The following CSMD1 variants were observed in gnomAD, a reference collection of about 807,000 sequenced individuals.
CSMD1 encodes the protein CUB and sushi domain-containing protein 1.
In CSMD1, 213 loss-of-function variants were observed where a neutral mutation model predicts 417.5. That is an observed-to-expected ratio of 0.51 (90% CI 0.46 to 0.57). CSMD1 has a LOEUF of 0.57. Among genes scored for constraint, CSMD1 ranks in the 20% least tolerant of loss-of-function variants. The pLI is 0.00. For synonymous variants in CSMD1, 2,862 were observed against 1,736.8 expected (o/e 1.65, Z -16.11); for missense variants, 6,923 against 4,529.7 (o/e 1.53, Z -15.17).
intron 1 of CSMD1, among the ~76,000 whole-genome samples, chr8:4,825,153 G>A (rs1457192): frequency 0.22 from 33,163 of 151,992 alleles, 3,935 homozygotes; most frequent in Non-Finnish European, 0.27. Context: ...TCTACCTGAA[G>A]AAGTGGGATA....
chr8:3,310,509 C>A (rs1336374522), intron 23 of CSMD1, among the ~76,000 whole-genome samples: 1 of 152,170 alleles, frequency 6.6e-6, no homozygotes, highest in Non-Finnish European at 1.5e-5. Flanking sequence ...AACAAACAAT[C>A]TTCCAAAATC....
chr8:3,799,615 C>A (rs1027969637), intron 5 of CSMD1, among the ~76,000 whole-genome samples: 26 of 151,932 alleles, frequency 1.7e-4, no homozygotes, highest in Non-Finnish European at 1.5e-4. Context: ...TAAAGAAAGA[C>A]CCCATTTGGC....
At chr8:3,483,575 T>G (rs535083132) in intron 11 of CSMD1, among the ~76,000 whole-genome samples, 15 of 152,182 alleles carry the variant, frequency 9.9e-5, no homozygotes, top group African/African-American at 3.6e-4. Flanking sequence ...CAAGATTTCA[T>G]AAACTCTTGC....
intron 26 of CSMD1, among the ~76,000 whole-genome samples, chr8:3,245,119 CTGCATTAA>C (rs1204536417): frequency 6.6e-6 from 1 of 152,206 alleles, no homozygotes; most frequent in Non-Finnish European, 1.5e-5. Flanking sequence ...TCGTTAATTT[CTGCATTAA>C]TGCATTAATT....
chr8:4,561,533 T>C (rs1209272311), intron 2 of CSMD1, among the ~76,000 whole-genome samples: 1 of 151,894 alleles, frequency 6.6e-6, no homozygotes, highest in Non-Finnish European at 1.5e-5. Flanking sequence ...AACAGAAAAA[T>C]TAGCCAGCCA....
rs558902225 is a variant in CSMD1 at position 3,707,925 on chromosome 8, C to T, written c.1009+489G>A. ...CCAGGTCCTGGGCACGTGCAAAAGT[C>T]ATCAGCCAGACATGTCTGCAGATCT... On this transcript the variant is annotated intron_variant, in intron 7 of 69. Coordinates refer to ENST00000635120, the MANE Select transcript of CSMD1 (RefSeq NM_033225.6). Among the ~76,000 whole-genome samples the T allele has an allele frequency of 2.0e-5, 3 of 152,254 alleles. No homozygotes were observed. The South Asian group carries it at 6.2e-4, about 32-fold the overall frequency.
At chr8:3,489,218 G>C (rs965477313) in intron 11 of CSMD1, among the ~76,000 whole-genome samples, 12 of 152,168 alleles carry the variant, frequency 7.9e-5, no homozygotes, top group African/African-American at 2.4e-4. Flanking sequence ...GGAGCAAGAA[G>C]TAGATTCAGC....
intron 3 of CSMD1, among the ~76,000 whole-genome samples, chr8:4,119,958 A>AT (rs67988265): frequency 9.4e-6 from 1 of 106,766 alleles, no homozygotes; most frequent in Admixed American, 9.4e-5. Flanking sequence ...TATCAAAAAA[A>AT]TTAGTTTAAA....
At chr8:4,307,991 G>C (rs778323334) in intron 3 of CSMD1, among the ~76,000 whole-genome samples, 11 of 152,132 alleles carry the variant, frequency 7.2e-5, no homozygotes, top group Non-Finnish European at 1.6e-4. Context: ...GGCTCAAGGA[G>C]GCTGGGATGT....
At chr8:4,272,275 A>T (rs1804652006) in intron 3 of CSMD1, among the ~76,000 whole-genome samples, 1 of 152,192 alleles carries the variant, frequency 6.6e-6, no homozygotes, top group Non-Finnish European at 1.5e-5. Context: ...CTTTAAGAAA[A>T]CTTATAAATA....
At chr8:4,320,553 C>T (rs1044724886) in intron 3 of CSMD1, among the ~76,000 whole-genome samples, 1 of 152,098 alleles carries the variant, frequency 6.6e-6, no homozygotes, top group Non-Finnish European at 1.5e-5. Context: ...GTTCCCCTCC[C>T]TGTGTCCATG....
At chr8:3,731,844 C>G (rs1232835164) in intron 6 of CSMD1, among the ~76,000 whole-genome samples, 1 of 152,084 alleles carries the variant, frequency 6.6e-6, no homozygotes, top group African/African-American at 2.4e-5. Flanking sequence ...AGTGAGTTTC[C>G]ATCATTATCA....
chr8:4,811,438 G>A (rs1167331703), intron 1 of CSMD1, among the ~76,000 whole-genome samples: 1 of 151,750 alleles, frequency 6.6e-6, no homozygotes, highest in African/African-American at 2.4e-5. Context: ...GTTGCTATTT[G>A]ATTATTTTTG....
chr8:4,275,966 A>C (rs1048620708), intron 3 of CSMD1, among the ~76,000 whole-genome samples: 3 of 152,228 alleles, frequency 2.0e-5, no homozygotes, highest in African/African-American at 7.2e-5. Context: ...AAAAGTCAGG[A>C]AACAGCAGAT....
At chr8:4,646,779 A>C (rs1803543780) in intron 1 of CSMD1, among the ~76,000 whole-genome samples, 1 of 152,188 alleles carries the variant, frequency 6.6e-6, no homozygotes, top group Admixed American at 6.5e-5. Context: ...ATTATACCTG[A>C]AGGTTGAAGC....
At chr8:4,716,516 A>G (rs1808669061) in intron 1 of CSMD1, among the ~76,000 whole-genome samples, 1 of 152,228 alleles carries the variant, frequency 6.6e-6, no homozygotes, top group Admixed American at 6.5e-5. Context: ...TCCATTATCT[A>G]TGTTTACACT....
intron 3 of CSMD1, among the ~76,000 whole-genome samples, chr8:4,202,488 T>C (rs1442589520): frequency 1.3e-5 from 2 of 152,216 alleles, no homozygotes; most frequent in African/African-American, 2.4e-5. Context: ...TTAAACTAGG[T>C]CTTCAATAAC....
At chr8:4,403,138 C>A (rs1200413990) in intron 3 of CSMD1, among the ~76,000 whole-genome samples, 1 of 152,036 alleles carries the variant, frequency 6.6e-6, no homozygotes, top group Non-Finnish European at 1.5e-5. Flanking sequence ...GCCAAAATGT[C>A]CTCACTTTTT....
intron 3 of CSMD1, among the ~76,000 whole-genome samples, chr8:4,300,307 G>C (rs943731644): frequency 6.6e-6 from 1 of 152,128 alleles, no homozygotes; most frequent in Non-Finnish European, 1.5e-5. Flanking sequence ...GGAAATATGA[G>C]GGGACCTCAA....
Sources: allele counts gnomAD v4.1 joint callset (sites outside exome capture counted in the v4.1 genomes callset), GRCh38; gene constraint gnomAD v4.1.1; transcripts MANE v1.5; gene names NCBI Gene and HGNC (gene_info 2026-07-23, HGNC 2026-07-21).